Variants in IRAG2 observed in about 807,000 individuals in gnomAD.
IRAG2 encodes the protein inositol 1,4,5-triphosphate receptor associated 2, also known as lymphoid restricted membrane protein.
IRAG2 carries 45 observed loss-of-function variants against 69.9 expected under a neutral mutation model. The observed-to-expected ratio is 0.64, with a 90% CI of 0.51 to 0.83. IRAG2 has a LOEUF of 0.83. Among genes scored for constraint, IRAG2 ranks in the 40% least tolerant of loss-of-function variants. The pLI, the probability that IRAG2 is intolerant of heterozygous loss-of-function variation, is 0.00. For missense variants in IRAG2, 520 were observed against 587.0 expected, an observed-to-expected ratio of 0.89 and a Z score of 1.18; for synonymous variants, 193 against 202.4, an observed-to-expected ratio of 0.95 and a Z score of 0.40.
chr12:25,013,909 C>G lies in IRAG2; in HGVS notation c.897-1273C>G, dbSNP rs577316920. 6.7e-5 allele frequency among the ~76,000 whole-genome samples: 7 copies of G among 103,998 alleles called. No homozygotes were observed. In the South Asian group the frequency reaches 2.4e-3, roughly 36 times the overall value. The allele number at this position is 103,998 out of a possible 152,430, so 68.2% of individuals were successfully genotyped here. A position where few individuals can be genotyped will look rare whatever the true frequency, so the allele number is the denominator to read the frequency against. ...TTTTTTTTTGAGACAGAGTCTCGCT[C>G]TGTTGCCCAGGCTGGAGTGCAGTGG... On this transcript the variant is annotated intron_variant, in intron 3 of 38. Transcript: ENST00000636465.
At chr12:25,049,576 A>G (rs1220569351), upstream of IRAG2, among the ~76,000 whole-genome samples, 2 of 152,268 alleles carry the variant, frequency 1.3e-5, no homozygotes, top group African/African-American at 4.8e-5. Context: ...CATTTCTCAA[A>G]AGAAGACGAT....
In IRAG2 at chr12:25,107,854, T is replaced by G; in HGVS notation, c.1294T>G (p.Ser432Ala). 4 of 1,613,952 alleles carry G rather than the reference T, an allele frequency of 2.5e-6. No individual in the cohort carries two copies. Among genetic ancestry groups the G allele is most frequent in the Non-Finnish European group, 3.4e-6 (4 of 1,179,788 alleles). Residue 432 changes from serine (S) to alanine (A), a missense_variant, in exon 22 of 22, where the codon TCC (serine) becomes GCC (alanine). Coordinates refer to ENST00000556887, the MANE Select transcript of IRAG2 (RefSeq NM_001366544.2). The part of the protein sequence containing the change: ...TIASWATNLK[S>A]SIRKANKALW... ...AGCTTCCTGGGCAACAAATCTCAAG[T>G]CCTCCATCAGAAAGGCTAATAAGGC... is the stretch of plus-strand genomic sequence containing the variant.
intron 1 of IRAG2, among the ~76,000 whole-genome samples, chr12:25,055,135 G>C (rs1207076638): frequency 6.6e-6 from 1 of 152,230 alleles, no homozygotes; most frequent in Non-Finnish European, 1.5e-5. Flanking sequence ...GTGTGGGGAT[G>C]CAGCTGGTTT....
intron 20 of IRAG2, among the ~76,000 whole-genome samples, chr12:25,106,174 TAC>T (rs2140274726): frequency 6.6e-6 from 1 of 151,952 alleles, no homozygotes; most frequent in East Asian, 1.9e-4. Flanking sequence ...TTGGAAATCA[TAC>T]AGAGAAAGGA....
intron 14 of IRAG2, among the ~76,000 whole-genome samples, chr12:25,095,247 T>A (rs1016055981): frequency 4.6e-5 from 7 of 152,286 alleles, no homozygotes; most frequent in African/African-American, 1.7e-4. Context: ...AATTTTCTCC[T>A]ATTTCTATTT....
intron 6 of IRAG2, among the ~76,000 whole-genome samples, chr12:25,077,266 A>ATATATGAAATATATATATG (rs1946794073): frequency 3.0e-5 from 1 of 32,866 alleles, no homozygotes; most frequent in Non-Finnish European, 6.2e-5. Flanking sequence ...ATATATATGA[A>ATATATGAAATATATATATG]ATATATATGA....
intron 16 of IRAG2, among the ~76,000 whole-genome samples, chr12:25,043,409 G>A (rs927524215): frequency 1.3e-5 from 2 of 152,048 alleles, no homozygotes; most frequent in Non-Finnish European, 2.9e-5. Context: ...GCATACTCTA[G>A]ATGCCTGGAT....
At chr12:25,104,944 A>G (rs1440474235) in intron 20 of IRAG2, among the ~76,000 whole-genome samples, 1 of 152,186 alleles carries the variant, frequency 6.6e-6, no homozygotes, top group Non-Finnish European at 1.5e-5. Context: ...CTATCTCTGT[A>G]TCTAGTAAAC....
At chr12:25,086,827 T>C (rs1405968914) in intron 10 of IRAG2, among the ~76,000 whole-genome samples, 8 of 152,212 alleles carry the variant, frequency 5.3e-5, no homozygotes, top group Non-Finnish European at 1.0e-4. Context: ...AACACTTTTC[T>C]TGGAGTGCTG....
chr12:25,057,782 G>T (rs964469931), intron 1 of IRAG2, among the ~76,000 whole-genome samples: 2 of 151,968 alleles, frequency 1.3e-5, no homozygotes, highest in East Asian at 3.8e-4. Flanking sequence ...TCAATGCCCC[G>T]CCTCCACCTC....
chr12:25,044,235 G>A (rs929134428), intron 16 of IRAG2, among the ~76,000 whole-genome samples: 21 of 151,956 alleles, frequency 1.4e-4, no homozygotes, highest in Admixed American at 3.9e-4. Context: ...TTTTATGTAC[G>A]CTCCATGGTA....
intron 9 of IRAG2, among the ~76,000 whole-genome samples, chr12:25,027,519 C>A (rs1386968600): frequency 1.3e-5 from 2 of 151,508 alleles, no homozygotes; most frequent in Non-Finnish European, 2.9e-5. Flanking sequence ...CTCAGCCTCC[C>A]GAGTAGCTGG....
chr12:25,016,000 A>C (rs1944524420), intron 5 of IRAG2, among the ~76,000 whole-genome samples: 1 of 152,208 alleles, frequency 6.6e-6, no homozygotes, highest in Non-Finnish European at 1.5e-5. Flanking sequence ...GTTTGAGACC[A>C]GCCTGGCCCA....
intron 16 of IRAG2, among the ~76,000 whole-genome samples, chr12:25,039,374 G>A (rs1419171389): frequency 6.6e-6 from 1 of 152,210 alleles, no homozygotes; most frequent in Non-Finnish European, 1.5e-5. Context: ...AAAAGATGGG[G>A]GCTAAGTGGA....
At chr12:25,023,444 T>C (rs2139838545) in intron 7 of IRAG2, among the ~76,000 whole-genome samples, 2 of 152,334 alleles carry the variant, frequency 1.3e-5, no homozygotes, top group South Asian at 4.1e-4. Context: ...GGCTGTTAAT[T>C]GTAAAACAGT....
At chr12:25,000,594 C>A (rs118135984), upstream of IRAG2, among the ~76,000 whole-genome samples, 1,939 of 152,314 alleles carry the variant, frequency 0.013, 19 homozygotes, top group Non-Finnish European at 0.018. Context: ...AGCCACGGCT[C>A]TACAGCCTGG....
intron 14 of IRAG2, among the ~76,000 whole-genome samples, chr12:25,036,033 C>G (rs1428734535): frequency 6.6e-6 from 1 of 152,156 alleles, no homozygotes; most frequent in East Asian, 1.9e-4. Flanking sequence ...TTCCTGTGAG[C>G]TAATCTTTAG....
At chr12:25,017,198 G>C (rs1944536552) in exon 6 of IRAG2, 1 of 1,232,044 alleles carries the variant, frequency 8.1e-7, no homozygotes, top group East Asian at 3.2e-5. Flanking sequence ...ACTTGAGGAA[G>C]AAAATAATAA....
At chr12:25,053,718 A>G (rs1945017987) in intron 1 of IRAG2, among the ~76,000 whole-genome samples, 1 of 147,162 alleles carries the variant, frequency 6.8e-6, no homozygotes, top group African/African-American at 2.7e-5. Flanking sequence ...TTCTAGCAGT[A>G]TAAATATTCT....
Sources: gnomAD v4.1 joint callset for allele counts (sites outside exome capture counted in the v4.1 genomes callset) on GRCh38, gnomAD v4.1.1 for gene constraint, MANE v1.5 for transcripts, NCBI Gene and HGNC (gene_info 2026-07-23, HGNC 2026-07-21) for gene names.